The following ARHGEF26 variants were observed in gnomAD, a reference collection of about 807,000 sequenced individuals.
The protein encoded by ARHGEF26 is Rho guanine nucleotide exchange factor 26.
ARHGEF26 carries 59 observed loss-of-function variants against 89.4 expected under a neutral mutation model. The observed-to-expected ratio is 0.66, with a 90% CI of 0.54 to 0.82. The LOEUF is 0.82. Among genes scored for constraint, ARHGEF26 ranks in the 40% least tolerant of loss-of-function variants. The probability of loss-of-function intolerance (pLI) is 0.00; values close to 1 mark genes in which losing one functional copy is unlikely to be tolerated. For synonymous variants in ARHGEF26, 500 were observed against 428.4 expected (o/e 1.17, Z -2.06); for missense variants, 1,234 against 1,085.6 (o/e 1.14, Z -1.92).
chr3:154,243,852 T>C (rs1717625668), intron 12 of ARHGEF26, among the ~76,000 whole-genome samples: 1 of 151,624 alleles, frequency 6.6e-6, no homozygotes, highest in Non-Finnish European at 1.5e-5. Flanking sequence ...AGACGCACTT[T>C]CCTTAAAAAT....
rs1370970931 is a variant in ARHGEF26, at chr3:154,173,783, G to GGCCT, written c.1488-13899_1488-13896dup. On this transcript the variant is annotated intron_variant, in intron 6 of 14. Transcript: ENST00000465093. ...CTTTTCTCTGCATATGTAGAGTGGA[G>GGCCT]GCCTGCAGGTTCCTGACAAACAAGA... 5.9e-5 allele frequency among the ~76,000 whole-genome samples: 9 copies of GGCCT among 152,136 alleles called. No individual in the cohort carries two copies. The East Asian group carries it at 1.5e-3, about 26-fold the overall frequency.
At chr3:154,194,815 T>A (rs1348710213) in intron 9 of ARHGEF26, 97 bp downstream of exon 9, 3 of 1,008,852 alleles carry the variant, frequency 3.0e-6, no homozygotes, top group Admixed American at 2.1e-5. Context: ...ACTGGTAGAG[T>A]CTCACAGCCA....
chr3:154,234,251 C>T (rs981736291), intron 11 of ARHGEF26, among the ~76,000 whole-genome samples: 4 of 152,194 alleles, frequency 2.6e-5, no homozygotes, highest in Admixed American at 2.6e-4. Flanking sequence ...CATCACCATC[C>T]TTCCTTTCAC....
At chr3:154,217,777 C>T (rs1377508849) in intron 9 of ARHGEF26, 92 bp from the exon 10 acceptor site, 21 of 952,808 alleles carry the variant, frequency 2.2e-5, no homozygotes, top group Non-Finnish European at 3.5e-5. Flanking sequence ...TAGGGCTTCC[C>T]AAGTGGTAAT....
chr3:154,146,403 C>T (rs1719709674), intron 4 of ARHGEF26, among the ~76,000 whole-genome samples: 1 of 135,062 alleles, frequency 7.4e-6, no homozygotes, highest in Non-Finnish European at 1.6e-5. Context: ...AAAAGGAAAC[C>T]GGCATGATTT....
At chr3:154,184,684 T>C (rs1329488621) in intron 6 of ARHGEF26, among the ~76,000 whole-genome samples, 1 of 152,214 alleles carries the variant, frequency 6.6e-6, no homozygotes, top group African/African-American at 2.4e-5. Context: ...CAGGCTTTAT[T>C]GTCAGCTTGC....
intron 6 of ARHGEF26, among the ~76,000 whole-genome samples, chr3:154,181,870 C>T (rs968634746): frequency 1.3e-5 from 2 of 152,130 alleles, no homozygotes; most frequent in African/African-American, 4.8e-5. Flanking sequence ...GTGGGCATTA[C>T]TTTCTTAGTA....
intron 12 of ARHGEF26, among the ~76,000 whole-genome samples, chr3:154,249,323 A>C (rs1047205222): frequency 2.0e-5 from 3 of 152,198 alleles, no homozygotes; most frequent in Non-Finnish European, 4.4e-5. Flanking sequence ...TGTATCTTTG[A>C]CCTTCATGCA....
intron 11 of ARHGEF26, among the ~76,000 whole-genome samples, chr3:154,235,329 A>T (rs357500): frequency 0.68 from 102,922 of 151,942 alleles, 35,774 homozygotes; most frequent in South Asian, 0.78. Flanking sequence ...ATCCATATTA[A>T]GGGTTTTGTG....
intron 12 of ARHGEF26, 57 bp from the exon 13 acceptor site, chr3:154,253,059 C>G (rs956258592): frequency 3.4e-5 from 55 of 1,598,486 alleles, no homozygotes; most frequent in Non-Finnish European, 4.7e-5. Flanking sequence ...CTAGAAAACA[C>G]TCCATTCTGT....
At chr3:154,239,332 G>A (rs1025092939) in intron 11 of ARHGEF26, among the ~76,000 whole-genome samples, 1 of 129,308 alleles carries the variant, frequency 7.7e-6, no homozygotes, top group African/African-American at 2.9e-5. Context: ...GTGTGTGTGT[G>A]TGTGTGTGTA....
In ARHGEF26 at chr3:154,179,519, G is replaced by A. The variant is rs145097141; in HGVS notation, c.1488-8166G>A. Among the ~76,000 whole-genome samples the A allele has an allele frequency of 5.2e-3, 756 of 146,678 alleles. 3 individuals carry two copies. The highest frequency in any genetic ancestry group is 0.028 in the South Asian group (118 of 4,172). ...GGGCCTTGAGGGAATTGAACAGAGAGGGCTAGCCTCTCTGAGAACTAGATG... is the reference window on the plus strand; with the variant it reads ...GGGCCTTGAGGGAATTGAACAGAGAAGGCTAGCCTCTCTGAGAACTAGATG... On this transcript the variant is annotated intron_variant, in intron 6 of 14. Transcript: ENST00000465093.
chr3:154,230,336 A>G (rs1393758930), intron 11 of ARHGEF26, among the ~76,000 whole-genome samples: 1 of 152,230 alleles, frequency 6.6e-6, no homozygotes, highest in African/African-American at 2.4e-5. Context: ...ATCTTTTTCA[A>G]GGTCTTTCAG....
intron 8 of ARHGEF26, among the ~76,000 whole-genome samples, chr3:154,193,368 T>A (rs146791104): frequency 1.3e-5 from 2 of 152,180 alleles, no homozygotes; most frequent in Non-Finnish European, 2.9e-5. Context: ...TCAAAAAATA[T>A]AAGAACCTCC....
chr3:154,256,847 G>GAACTT lies in ARHGEF26; in HGVS notation c.*1375_*1379dup, dbSNP rs1559934350. The GAACTT allele has an allele frequency of 7.8e-6, 12 of 1,532,222 alleles. No homozygotes were observed. The highest frequency in any genetic ancestry group is 1.4e-5 in the African/African-American group (1 of 72,876). 94.9% of individuals were successfully genotyped at this position (1,532,222 alleles called of 1,614,324 possible). On this transcript the variant is annotated 3_prime_UTR_variant, in exon 15 of 15. Coordinates refer to ENST00000465093, the MANE Select transcript of ARHGEF26 (RefSeq NM_015595.4). ...TCCCTCTTAACTGTGAGTTTCTATA[G>GAACTT]AACTTTACTTTTTCCACTAGTGCAC...
At chr3:154,133,737 A>G (rs1405823855) in intron 4 of ARHGEF26, among the ~76,000 whole-genome samples, 1 of 152,104 alleles carries the variant, frequency 6.6e-6, no homozygotes, top group Non-Finnish European at 1.5e-5. Context: ...TTTGTGAAGA[A>G]TCTCAATGCT....
chr3:154,186,652 C>T (rs1187988500), intron 6 of ARHGEF26, among the ~76,000 whole-genome samples: 1 of 151,708 alleles, frequency 6.6e-6, no homozygotes, highest in East Asian at 2.0e-4. Context: ...ATCCCAGCTA[C>T]TCAGGAGGCT....
chr3:154,215,723 A>G (rs989988167), intron 9 of ARHGEF26, among the ~76,000 whole-genome samples: 1 of 152,116 alleles, frequency 6.6e-6, no homozygotes, highest in African/African-American at 2.4e-5. Flanking sequence ...CATGGTGGAG[A>G]GAGAGCAGAG....
intron 9 of ARHGEF26, among the ~76,000 whole-genome samples, chr3:154,196,342 G>T (rs897144298): frequency 3.9e-5 from 6 of 152,182 alleles, no homozygotes; most frequent in African/African-American, 1.4e-4. Context: ...AATAGAAGGT[G>T]TAGGTGTCAC....
Sources: allele counts gnomAD v4.1 joint callset (sites outside exome capture counted in the v4.1 genomes callset), GRCh38; gene constraint gnomAD v4.1.1; transcripts MANE v1.5; gene names NCBI Gene and HGNC (gene_info 2026-07-23, HGNC 2026-07-21).